Variants in CYFIP1 observed in about 807,000 individuals in gnomAD.
The protein encoded by CYFIP1 is cytoplasmic FMR1 interacting protein 1.
In CYFIP1, 58 loss-of-function variants were observed where a neutral mutation model predicts 163.5. The ratio of observed to expected loss-of-function variants is 0.35; its 90% confidence interval spans 0.29 to 0.44. The LOEUF (loss-of-function observed/expected upper bound fraction) is 0.44, where lower values mean the gene tolerates loss of function less well. Among genes scored for constraint, CYFIP1 ranks in the 20% least tolerant of loss-of-function variants. The probability of loss-of-function intolerance (pLI) is 1.00; values close to 1 mark genes in which losing one functional copy is unlikely to be tolerated. For missense variants in CYFIP1, 1,338 were observed against 1,653.8 expected, an observed-to-expected ratio of 0.81 and a Z score of 3.31; for synonymous variants, 663 against 660.7, an observed-to-expected ratio of 1.00 and a Z score of -0.05.
At chr15:22,933,413 C>T (rs1037160710) in intron 10 of CYFIP1, among the ~76,000 whole-genome samples, 1 of 151,576 alleles carries the variant, frequency 6.6e-6, no homozygotes, top group South Asian at 2.1e-4. Flanking sequence ...CTCCCAGGTT[C>T]ATGCCATTCT....
At position 22,873,638 on chromosome 15, in the gene CYFIP1, C is replaced by T. The variant is rs144654046; in HGVS notation, c.3302G>A (p.Arg1101Gln). ...CCAGATGGGGTCATCCAGAAAGCTC[C>T]GGATCCGTGTCAGGATGACCTCAAA... Reference protein sequence around the residue: ...SMFEVILTRIRSFLDDPIWRG... With the variant: ...SMFEVILTRIQSFLDDPIWRG... The change falls in exon 29 of 31, where the codon CGG becomes CAG. Residue 1101 changes from arginine (R) to glutamine (Q), a missense_variant. Transcript: ENST00000617928. 52 of 1,614,138 alleles carry T rather than the reference C, an allele frequency of 3.2e-5. No individual in the cohort carries two copies. The highest frequency in any genetic ancestry group is 4.2e-5 in the Non-Finnish European group (50 of 1,180,052).
In CYFIP1 at chr15:22,869,024, G is replaced by A. The variant is rs1230484047; in HGVS notation, c.*1004C>T. The A allele has an allele frequency of 6.6e-6, 1 of 152,144 alleles. No individual in the cohort carries two copies. The highest frequency in any genetic ancestry group is 2.4e-5 in the African/African-American group (1 of 41,416). 9.4% of individuals were successfully genotyped at this position (152,144 alleles called of 1,614,324 possible). ...AAACATGTTCGTGACTCTACTGGTA[G>A]TCTAGACCGATTGTTTTTCATTCTG... On this transcript the variant is annotated 3_prime_UTR_variant, in exon 31 of 31. Transcript: ENST00000617928.
At chr15:22,920,714 C>T (rs1005195782) in intron 13 of CYFIP1, among the ~76,000 whole-genome samples, 7 of 152,148 alleles carry the variant, frequency 4.6e-5, no homozygotes, top group Admixed American at 3.3e-4. Flanking sequence ...TGGAAGAAAA[C>T]GCACCCAGCT....
At chr15:22,903,656 G>A (rs1188762835) in intron 22 of CYFIP1, 50 bp downstream of exon 22, 1 of 1,589,100 alleles carries the variant, frequency 6.3e-7, no homozygotes, top group Non-Finnish European at 8.6e-7. Context: ...GCGGGGACAT[G>A]GGTCCCTGAG....
intron 1 of CYFIP1, among the ~76,000 whole-genome samples, chr15:22,954,441 C>T (rs1458967719): frequency 6.6e-6 from 1 of 152,204 alleles, no homozygotes; most frequent in African/African-American, 2.4e-5. Flanking sequence ...TGGTATTTTG[C>T]TGATCATGAA....
chr15:22,893,003 A>G (rs2060121779), intron 22 of CYFIP1, 26 bp from the exon 23 acceptor site: 12 of 1,533,140 alleles, frequency 7.8e-6, no homozygotes, highest in Non-Finnish European at 1.1e-5. Context: ...TTAAAAAAGA[A>G]AAAGAAACCA....
intron 11 of CYFIP1, among the ~76,000 whole-genome samples, chr15:22,931,785 A>G (rs890877370): frequency 2.0e-5 from 3 of 150,096 alleles, no homozygotes; most frequent in African/African-American, 7.4e-5. Flanking sequence ...TTTGAAGTAC[A>G]GTCATGCACC....
intron 20 of CYFIP1, 43 bp from the exon 21 acceptor site, chr15:22,909,356 A>G: frequency 6.2e-7 from 1 of 1,606,410 alleles, no homozygotes; most frequent in Non-Finnish European, 8.5e-7. Context: ...AGTGGACATG[A>G]GCAGCTCGAA....
chr15:22,952,426 C>T (rs546765212), intron 1 of CYFIP1, among the ~76,000 whole-genome samples: 16 of 151,986 alleles, frequency 1.1e-4, no homozygotes, highest in South Asian at 2.1e-4. Flanking sequence ...GAGGCCGAGG[C>T]GGGCGAATCA....
rs1031762126 is a variant in CYFIP1, at chr15:22,880,487, G to A, written c.2912-444C>T. On this transcript the variant is annotated intron_variant, in intron 25 of 30. Transcript: ENST00000617928. ...CTAACAGCACGCCCAACGGGAGGCC[G>A]CACACCAGGCCAGCTCCAGAGCAAG... 2.0e-5 allele frequency among the ~76,000 whole-genome samples: 3 copies of A among 152,182 alleles called. No homozygotes were observed. In the South Asian group the frequency reaches 6.2e-4, roughly 31 times the overall value.
At chr15:22,882,822 A>T (rs1316710922) in intron 24 of CYFIP1, 46 bp downstream of exon 24, 1 of 1,587,600 alleles carries the variant, frequency 6.3e-7, no homozygotes, top group Non-Finnish European at 8.6e-7. Context: ...TGGGTGCCCC[A>T]GGGAATCCAG....
Position 22,917,608 on chromosome 15 carries a change from A to C in CYFIP1, c.1674+180T>G. On this transcript the variant is annotated intron_variant, in intron 15 of 30. Coordinates refer to ENST00000617928, the MANE Select transcript of CYFIP1 (RefSeq NM_014608.6). This position sits in a 1 kb window ranked among gnomAD's most constrained non-coding sequence, Gnocchi z 4.2. ...TCTGACAATCAAGGCACGTCTCCTC[A>C]CGCTCCCAACTCACTTGGGTGGGAA... is the stretch of plus-strand genomic sequence containing the variant. 1.3e-6 allele frequency: 1 copy of C among 742,444 alleles called. No individual in the cohort carries two copies. The highest frequency in any genetic ancestry group is 2.1e-6 in the Non-Finnish European group (1 of 480,772). 46.0% of individuals were successfully genotyped at this position (742,444 alleles called of 1,614,324 possible).
intron 1 of CYFIP1, among the ~76,000 whole-genome samples, chr15:22,969,883 A>C (rs1015631849): frequency 3.9e-5 from 6 of 152,236 alleles, no homozygotes; most frequent in African/African-American, 1.2e-4. Context: ...AGTATTAGAC[A>C]AAACAGACCT....
At chr15:22,918,934 G>T in intron 13 of CYFIP1, 76 bp from the exon 14 acceptor site, 1 of 1,222,690 alleles carries the variant, frequency 8.2e-7, no homozygotes, top group Non-Finnish European at 1.1e-6. Context: ...ACATGCCGGG[G>T]GCTGCTCCTC....
At chr15:22,921,738 C>T (rs2061185968) in intron 13 of CYFIP1, among the ~76,000 whole-genome samples, 1 of 146,094 alleles carries the variant, frequency 6.8e-6, no homozygotes. Flanking sequence ...TGCACTCTAG[C>T]CTGGGCAACA....
intron 6 of CYFIP1, among the ~76,000 whole-genome samples, chr15:22,940,466 C>T (rs1169483602): frequency 6.6e-6 from 1 of 152,186 alleles, no homozygotes; most frequent in African/African-American, 2.4e-5. Context: ...CCCATCTTTC[C>T]CCACTTTCTG....
rs572742890 is a variant in CYFIP1, at chr15:22,870,847, T to C, written c.3598-655A>G. On this transcript the variant is annotated intron_variant, in intron 30 of 30. Coordinates refer to ENST00000617928, the MANE Select transcript of CYFIP1 (RefSeq NM_014608.6). Reference sequence around the variant, plus strand: ...CTAACACAAGTTTTAGACTTCCAGTTTGGAAATACTGTGACGGGATACTCT... The same window carrying C: ...CTAACACAAGTTTTAGACTTCCAGTCTGGAAATACTGTGACGGGATACTCT... Among the ~76,000 whole-genome samples, 9 of 152,272 alleles carry C rather than the reference T, an allele frequency of 5.9e-5. No individual in the cohort carries two copies. The East Asian group carries it at 1.7e-3, about 29-fold the overall frequency.
intron 13 of CYFIP1, 65 bp downstream of exon 13, chr15:22,925,917 T>C (rs757153814): frequency 8.1e-5 from 129 of 1,589,758 alleles, no homozygotes; most frequent in African/African-American, 2.0e-4. Flanking sequence ...GTTTTTGCTT[T>C]TGACAGAGAA....
chr15:22,963,158 C>A (rs753744598), intron 1 of CYFIP1, among the ~76,000 whole-genome samples: 7 of 152,128 alleles, frequency 4.6e-5, no homozygotes, highest in Non-Finnish European at 1.0e-4. Flanking sequence ...GAATTGTGTT[C>A]TTTGTCCTAT....
Sources: gnomAD v4.1 joint callset for allele counts (sites outside exome capture counted in the v4.1 genomes callset) on GRCh38, gnomAD v4.1.1 for gene constraint, Gnocchi (gnomAD v3.1) non-coding constraint, MANE v1.5 for transcripts, NCBI Gene and HGNC (gene_info 2026-07-23, HGNC 2026-07-21) for gene names.